The following CEP89 variants were observed in gnomAD, a reference collection of about 807,000 sequenced individuals.
CEP89 encodes the protein centrosomal protein of 89 kDa.
Under a neutral mutation model 97.6 loss-of-function variants are expected in CEP89, and 95 were observed. The observed-to-expected ratio is 0.97, with a 90% CI of 0.82 to 1.15. The LOEUF is 1.15. CEP89 is among the 50% of genes most tolerant of loss of function. The pLI, the probability that CEP89 is intolerant of heterozygous loss-of-function variation, is 0.00. For synonymous variants in CEP89, 354 were observed against 349.1 expected (o/e 1.01, Z -0.16); for missense variants, 869 against 947.7 (o/e 0.92, Z 1.09).
chr19:32,920,455 C>A (rs954756061), intron 12 of CEP89, among the ~76,000 whole-genome samples: 2 of 151,978 alleles, frequency 1.3e-5, no homozygotes, highest in African/African-American at 2.4e-5. Flanking sequence ...TGGTTTAACA[C>A]TCCCTCTTAT....
chr19:32,927,531 C>T (rs967396171), intron 9 of CEP89, among the ~76,000 whole-genome samples: 6 of 152,098 alleles, frequency 3.9e-5, no homozygotes, highest in African/African-American at 1.4e-4. Flanking sequence ...CATCTATTTT[C>T]CCACTAATGT....
chr19:32,879,066 A>G lies in CEP89; in HGVS notation c.*96T>C. ...CCTGCAGCGTTCAGTGGGCTTACGC[A>G]CCTCCGGCTGCCACCATGGGCTGCC... On this transcript the variant is annotated 3_prime_UTR_variant, in exon 19 of 19. Transcript: ENST00000305768. The G allele has an allele frequency of 1.1e-6, 1 of 941,166 alleles. No homozygotes were observed. Among genetic ancestry groups the G allele is most frequent in the Non-Finnish European group, 1.6e-6 (1 of 615,270 alleles). The allele number at this position is 941,166 out of a possible 1,614,324, so 58.3% of individuals were successfully genotyped here. A position where few individuals can be genotyped will look rare whatever the true frequency, so the allele number is the denominator to read the frequency against.
At chr19:32,899,823 G>T (rs371777125) in intron 16 of CEP89, 34 bp downstream of exon 16, 109 of 1,573,000 alleles carry the variant, frequency 6.9e-5, no homozygotes, top group Admixed American at 6.6e-4. Context: ...ATATTAACTC[G>T]CAGTTTACTT....
intron 18 of CEP89, among the ~76,000 whole-genome samples, chr19:32,880,331 GC>G (rs1969255686): frequency 1.3e-5 from 2 of 151,684 alleles, no homozygotes; most frequent in Admixed American, 1.3e-4. Context: ...CCAGTGATGT[GC>G]CCACTTGGCC....
intron 4 of CEP89, among the ~76,000 whole-genome samples, chr19:32,950,365 C>T (rs1970885227): frequency 6.6e-6 from 1 of 152,080 alleles, no homozygotes; most frequent in African/African-American, 2.4e-5. Context: ...TCAAGACCAG[C>T]CTGATCAACA....
chr19:32,914,873 T>A (rs1970087255), intron 14 of CEP89, among the ~76,000 whole-genome samples: 1 of 151,392 alleles, frequency 6.6e-6, no homozygotes, highest in African/African-American at 2.4e-5. Flanking sequence ...AATACAAAAA[T>A]TAGGCAGGTG....
intron 1 of CEP89, 88 bp from the exon 2 acceptor site, chr19:32,966,554 G>A (rs748995115): frequency 1.4e-6 from 1 of 702,230 alleles, no homozygotes. Flanking sequence ...CCTGCAAGGG[G>A]ACACCTGCAC....
intron 14 of CEP89, among the ~76,000 whole-genome samples, chr19:32,905,694 T>C (rs537841687): frequency 6.6e-6 from 1 of 152,322 alleles, no homozygotes; most frequent in Non-Finnish European, 1.5e-5. Flanking sequence ...CTTTTATCTT[T>C]GTGAATCATC....
At chr19:32,893,802 G>C in intron 16 of CEP89, among the ~76,000 whole-genome samples, 1 of 152,100 alleles carries the variant, frequency 6.6e-6, no homozygotes, top group Admixed American at 6.5e-5. Flanking sequence ...ATTAAGAAGG[G>C]TATCAAAAAT....
chr19:32,891,477 C>T (rs978518660), intron 16 of CEP89, among the ~76,000 whole-genome samples: 1 of 152,072 alleles, frequency 6.6e-6, no homozygotes, highest in Non-Finnish European at 1.5e-5. Flanking sequence ...ATGACACCTC[C>T]AAAGGAACAT....
chr19:32,908,903 G>A (rs760167318), intron 14 of CEP89, among the ~76,000 whole-genome samples: 9 of 152,326 alleles, frequency 5.9e-5, no homozygotes, highest in South Asian at 2.1e-4. Flanking sequence ...CTTGTGTGGG[G>A]CAAGCCTCGA....
At chr19:32,894,127 G>A (rs555015358) in intron 16 of CEP89, among the ~76,000 whole-genome samples, 1 of 152,294 alleles carries the variant, frequency 6.6e-6, no homozygotes, top group South Asian at 2.1e-4. Flanking sequence ...AGATGTTCAA[G>A]GTTAGCCTGG....
intron 1 of CEP89, among the ~76,000 whole-genome samples, chr19:32,968,511 A>G (rs4805836): frequency 0.88 from 134,044 of 152,268 alleles, 59,042 homozygotes; most frequent in South Asian, 0.95. Context: ...GCCTCCCAAA[A>G]TACTGGGATT....
Position 32,936,829 on chromosome 19 carries a change from T to C in CEP89, c.667+802A>G, listed in dbSNP as rs1284189808. Among the ~76,000 whole-genome samples the C allele has an allele frequency of 6.6e-6, 1 of 152,030 alleles. No homozygotes were observed. The highest frequency in any genetic ancestry group is 1.5e-5 in the Non-Finnish European group (1 of 67,980). ...TCTTTGCTGAGAGCTGCAGAGACAGTTGGGTGACCTGCCTTCAGAGAGGAG... is the reference window on the plus strand; with the variant it reads ...TCTTTGCTGAGAGCTGCAGAGACAGCTGGGTGACCTGCCTTCAGAGAGGAG... On this transcript the variant is annotated intron_variant, in intron 7 of 18. Transcript: ENST00000305768. This position sits in a 1 kb window ranked among gnomAD's most constrained non-coding sequence, Gnocchi z 4.5.
chr19:32,971,798 C>T (rs1304291658), intron 1 of CEP89, 38 bp downstream of exon 1: 2 of 1,577,948 alleles, frequency 1.3e-6, no homozygotes, highest in South Asian at 1.2e-5. Flanking sequence ...TTCCCGGCCC[C>T]ACAGAGCCCC....
At chr19:32,938,600 C>T (rs770939587) in intron 6 of CEP89, among the ~76,000 whole-genome samples, 3 of 152,140 alleles carry the variant, frequency 2.0e-5, no homozygotes, top group East Asian at 1.9e-4. Context: ...TATGACATCG[C>T]ACAATGAAAA....
chr19:32,968,559 T>C (rs1971332800), intron 1 of CEP89, among the ~76,000 whole-genome samples: 1 of 152,202 alleles, frequency 6.6e-6, no homozygotes, highest in Non-Finnish European at 1.5e-5. Context: ...GAAAAGGTTT[T>C]CTTAACCTTT....
In CEP89 at chr19:32,926,222, T is replaced by G. The variant is rs1256696621; in HGVS notation, c.1132A>C (p.Lys378Gln). 15 of 1,613,700 alleles carry G rather than the reference T, an allele frequency of 9.3e-6. No homozygotes were observed. Among genetic ancestry groups the G allele is most frequent in the Non-Finnish European group, 1.2e-5 (14 of 1,179,754 alleles). The change falls in exon 11 of 19, where the codon AAA becomes CAA. Residue 378 changes from lysine to glutamine, a missense_variant. Physicochemically the swap from Lys to Gln is moderately conservative, Grantham distance 53 (BLOSUM62 1). Transcript: ENST00000305768. Reference sequence around the variant, plus strand: ...GTGGCATTGAGCTCGTCCTTCTCTTTCATCATATCTTCATAAGCCAGCAAC... The same window carrying G: ...GTGGCATTGAGCTCGTCCTTCTCTTGCATCATATCTTCATAAGCCAGCAAC... Reference protein sequence around the residue: ...PLLLAYEDMMKEKDELNATLK... With the variant: ...PLLLAYEDMMQEKDELNATLK...
At chr19:32,911,581 G>A (rs897923324) in intron 14 of CEP89, among the ~76,000 whole-genome samples, 5 of 152,238 alleles carry the variant, frequency 3.3e-5, no homozygotes, top group Admixed American at 6.5e-5. Flanking sequence ...GAGCCTAGGA[G>A]GTGGAGGTTG....
Sources: allele counts gnomAD v4.1 joint callset (sites outside exome capture counted in the v4.1 genomes callset), GRCh38; gene constraint gnomAD v4.1.1; non-coding constraint Gnocchi (gnomAD v3.1); transcripts MANE v1.5; gene names NCBI Gene and HGNC (gene_info 2026-07-23, HGNC 2026-07-21).